ABCC6: variants seen among roughly 807,000 people sequenced by gnomAD.
The protein encoded by ABCC6 is ATP-binding cassette sub-family C member 6.
Under a neutral mutation model 169.5 loss-of-function variants are expected in ABCC6, and 126 were observed. The observed-to-expected ratio is 0.74, with a 90% confidence interval of 0.64 to 0.86. The LOEUF is 0.86. Ranked by LOEUF, ABCC6 falls within the 40% of genes least tolerant of loss-of-function variation. The pLI is 0.00. For missense variants in ABCC6, 1,733 were observed against 1,927.2 expected (o/e 0.90, Z 1.89); for synonymous variants, 752 against 814.7 (o/e 0.92, Z 1.31).
chr16:16,160,477 G>C (rs961446693), intron 25 of ABCC6, among the ~76,000 whole-genome samples: 1 of 151,714 alleles, frequency 6.6e-6, no homozygotes, highest in African/African-American at 2.4e-5. Context: ...ACTCCAGTCT[G>C]GGCAAAAGAG....
chr16:16,178,044 G>A (rs1007296872), intron 18 of ABCC6, among the ~76,000 whole-genome samples: 2 of 151,832 alleles, frequency 1.3e-5, no homozygotes, highest in Admixed American at 6.6e-5. Context: ...AAAAATGTAC[G>A]GCCGAGCGCA....
intron 10 of ABCC6, among the ~76,000 whole-genome samples, chr16:16,194,431 G>A (rs1412725145): frequency 6.6e-6 from 1 of 152,216 alleles, no homozygotes; most frequent in African/African-American, 2.4e-5. Context: ...TGAATGTCCT[G>A]TGTTTTCTCT....
chr16:16,158,888 TATG>T (rs2046629671), intron 26 of ABCC6, among the ~76,000 whole-genome samples: 2 of 152,296 alleles, frequency 1.3e-5, no homozygotes, highest in South Asian at 4.1e-4. Context: ...GCTGTCATGT[TATG>T]ATGTTGCTGT....
intron 17 of ABCC6, among the ~76,000 whole-genome samples, chr16:16,179,962 TG>T (rs1397792558): frequency 2.0e-5 from 3 of 152,194 alleles, no homozygotes; most frequent in African/African-American, 7.2e-5. Context: ...GCCCTGAGCT[TG>T]TTTTCCTGAA....
chr16:16,169,436 T>G (rs1455977541), intron 22 of ABCC6, among the ~76,000 whole-genome samples: 5 of 152,120 alleles, frequency 3.3e-5, no homozygotes. Context: ...TGGGAGAGGT[T>G]CTGAAGCTTC....
At chr16:16,188,757 G>C (rs537222129) in intron 13 of ABCC6, 74 bp downstream of exon 13, 2 of 1,537,330 alleles carry the variant, frequency 1.3e-6, no homozygotes, top group South Asian at 1.2e-5. Context: ...GCAAATGGCA[G>C]GGGTAGGGAA....
chr16:16,179,402 G>A (rs927474168), intron 17 of ABCC6, among the ~76,000 whole-genome samples: 12 of 152,032 alleles, frequency 7.9e-5, no homozygotes, highest in Admixed American at 7.2e-4. Context: ...GTAACTATTC[G>A]AGGGGCACAA....
At chr16:16,197,981 G>A (rs776277590) in intron 10 of ABCC6, 40 bp downstream of exon 10, 21 of 1,593,674 alleles carry the variant, frequency 1.3e-5, no homozygotes, top group South Asian at 2.2e-5. Context: ...GGAGGGGGTG[G>A]GGGACTCCGT....
In ABCC6 at chr16:16,182,395, G is replaced by T. The variant is rs1330100320; in HGVS notation, c.2247+17C>A. 1 of 1,613,068 alleles carries T rather than the reference G, an allele frequency of 6.2e-7. No individual in the cohort carries two copies. The highest frequency in any genetic ancestry group is 8.5e-7 in the Non-Finnish European group (1 of 1,180,038). ...CTGCAATGTCTCCCTGTCCCAAAAA[G>T]ACCCCCAAACTCTCACCTGCTCCCC... On this transcript the variant is annotated intron_variant, in intron 17 of 30. Transcript: ENST00000205557.
rs61318127 is a variant in ABCC6, at chr16:16,187,176, G to C, written c.1815C>G (p.Leu605=). Residue 605 remains leucine, a synonymous_variant, in exon 14 of 31, where the codon CTC becomes CTG. Coordinates refer to ENST00000205557, the MANE Select transcript of ABCC6 (RefSeq NM_001171.6). ...CACCAGGGTCAACTTCTTCCAGGCA[G>C]AGGAAGGTGACCAGACGGTCAAAGG... is the stretch of plus-strand genomic sequence containing the variant. ...RVSFDRLVTF[L]CLEEVDPGVV... 2 of 1,613,810 alleles carry C rather than the reference G, an allele frequency of 1.2e-6. No individual in the cohort carries two copies. The highest frequency in any genetic ancestry group is 1.7e-6 in the Non-Finnish European group (2 of 1,179,874).
At chr16:16,188,628 G>A (rs1328215422) in intron 13 of ABCC6, among the ~76,000 whole-genome samples, 2 of 152,132 alleles carry the variant, frequency 1.3e-5, no homozygotes. Flanking sequence ...CCCTCCAAAG[G>A]CTGACCCCTT....
intron 21 of ABCC6, among the ~76,000 whole-genome samples, chr16:16,171,207 T>C (rs1197983633): frequency 6.6e-6 from 1 of 151,858 alleles, no homozygotes; most frequent in African/African-American, 2.4e-5. Flanking sequence ...GGTTTCTCAG[T>C]GGTCTCTATT....
rs1284750916 is a variant in ABCC6 at position 16,221,667 on chromosome 16, T to C, written c.201A>G (p.Pro67=). 6 of 1,613,890 alleles carry C rather than the reference T, an allele frequency of 3.7e-6. No individual in the cohort carries two copies. The highest frequency in any genetic ancestry group is 3.3e-5 in the South Asian group (3 of 91,066). The part of the protein sequence containing the change: ...HHGRGYLRMS[P]LFKAKMVLGF... ...CAGCTACCATCTTGGCTTTGAAGAG[T>C]GGGGACATCCGGAGGTAGCCCCGGC... The change falls in exon 2 of 31, where the codon CCA becomes CCG. Residue 67 remains proline, a synonymous_variant. Coordinates refer to ENST00000205557, the MANE Select transcript of ABCC6 (RefSeq NM_001171.6).
intron 21 of ABCC6, 129 bp from the exon 22 acceptor site, chr16:16,169,982 G>T: frequency 3.3e-6 from 3 of 904,342 alleles, no homozygotes; most frequent in Non-Finnish European, 5.2e-6. Context: ...GACCTCACTG[G>T]TTCTCCCGCT....
In ABCC6 at chr16:16,192,818, CA is replaced by C. The variant is rs775115998; in HGVS notation, c.1431+11del. On this transcript the variant is annotated intron_variant, in intron 11 of 30. Coordinates refer to ENST00000205557, the MANE Select transcript of ABCC6 (RefSeq NM_001171.6). ...CTTCCTGCCTGGTCCGTCCCTTTCC[CA>C]AAAGCCAAACCTGATGGTGGTTCCT... 44 of 1,612,582 alleles carry C rather than the reference CA, an allele frequency of 2.7e-5. No homozygotes were observed. Among genetic ancestry groups the C allele is most frequent in the Non-Finnish European group, 3.6e-5 (43 of 1,178,820 alleles).
At chr16:16,208,651 C>T (rs559758883) in intron 7 of ABCC6, 77 bp downstream of exon 7, 37 of 1,610,364 alleles carry the variant, frequency 2.3e-5, no homozygotes, top group South Asian at 1.5e-4. Flanking sequence ...GGATTACAGT[C>T]GTGAGCCACC....
intron 26 of ABCC6, among the ~76,000 whole-genome samples, chr16:16,158,402 A>G (rs538407575): frequency 1.3e-5 from 2 of 151,258 alleles, no homozygotes; most frequent in Admixed American, 1.3e-4. Flanking sequence ...TCCATCTCTT[A>G]TCCTTTATCC....
intron 13 of ABCC6, 43 bp from the exon 14 acceptor site, chr16:16,187,254 A>C: frequency 6.4e-7 from 1 of 1,554,734 alleles, no homozygotes; most frequent in Non-Finnish European, 8.8e-7. Context: ...AGAAGAGCAA[A>C]GAACTCAGGT....
chr16:16,154,731 C>T lies in ABCC6; in HGVS notation c.4105G>A (p.Glu1369Lys), dbSNP rs60285147. The T allele has an allele frequency of 2.4e-4, 391 of 1,613,288 alleles. No individual in the cohort carries two copies. Among genetic ancestry groups the T allele is most frequent in the Non-Finnish European group, 3.0e-4 (359 of 1,179,784 alleles). ...GTCTCCAGGGCTGCCCAGATAGCCT[C>T]GTCCGAGTGCTCCTGCAGCAGGTCG... ...NLDLLQEHSD[E>K]AIWAALETVQ... The change falls in exon 29 of 31, where the codon GAG becomes AAG. Residue 1369 changes from glutamate to lysine, a missense_variant. Glu to Lys is a moderately conservative substitution (Grantham distance 56). This residue lies in a region of ABCC6 where 1,601 missense variants were observed against 1,635.5 expected (regional missense o/e 0.98). Coordinates refer to ENST00000205557, the MANE Select transcript of ABCC6 (RefSeq NM_001171.6).
Sources: gnomAD v4.1 joint callset for allele counts (sites outside exome capture counted in the v4.1 genomes callset) on GRCh38, gnomAD v4.1.1 for gene constraint, gnomAD v4.1.1 regional missense constraint, MANE v1.5 for transcripts, NCBI Gene and HGNC (gene_info 2026-07-23, HGNC 2026-07-21) for gene names.